STMN2: variants seen among roughly 807,000 people sequenced by gnomAD.
STMN2 encodes the protein stathmin 2.
A neutral mutation model predicts 24.1 loss-of-function variants in STMN2; 2 were observed. The ratio of observed to expected loss-of-function variants is 0.08; its 90% CI spans 0.03 to 0.26. The LOEUF is 0.26. STMN2 is among the 10% of genes least tolerant of loss of function. The pLI is 1.00. For missense variants in STMN2, 114 were observed against 213.6 expected, an observed-to-expected ratio of 0.53 and a Z score of 2.91; for synonymous variants, 83 against 77.5, an observed-to-expected ratio of 1.07 and a Z score of -0.37.
Position 79,664,731 on chromosome 8 carries a change from G to T in STMN2, c.481-84G>T, listed in dbSNP as rs530394091. The T allele has an allele frequency of 3.1e-5, 42 of 1,341,400 alleles. No homozygotes were observed. In the African/African-American group the frequency reaches 4.9e-4, roughly 16 times the overall value. 83.1% of individuals were successfully genotyped at this position (1,341,400 alleles called of 1,614,324 possible). On this transcript the variant is annotated intron_variant, in intron 4 of 4. Transcript: ENST00000220876. ...ATTCATAAAAGTAGACACCAAACTG[G>T]GTTACTTCTAGTCAAGCGCATGGTA...
chr8:79,651,923 A>G (rs1012274549), intron 3 of STMN2, among the ~76,000 whole-genome samples: 53 of 152,198 alleles, frequency 3.5e-4, no homozygotes, highest in African/African-American at 1.2e-3. Context: ...AAAAGTGGCC[A>G]TTAAAAATCC....
At chr8:79,662,131 A>G (rs957466482) in intron 4 of STMN2, among the ~76,000 whole-genome samples, 1 of 152,138 alleles carries the variant, frequency 6.6e-6, no homozygotes, top group Non-Finnish European at 1.5e-5. Flanking sequence ...CAGAGGAAAG[A>G]ATTAGAGGAC....
chr8:79,623,010 T>C (rs1809554723), intron 1 of STMN2, among the ~76,000 whole-genome samples: 1 of 152,166 alleles, frequency 6.6e-6, no homozygotes, highest in African/African-American at 2.4e-5. Flanking sequence ...GCTCTCCTGC[T>C]TCCACTTTAA....
chr8:79,647,358 C>T (rs1025633365), intron 3 of STMN2, among the ~76,000 whole-genome samples: 2 of 152,122 alleles, frequency 1.3e-5, no homozygotes, highest in East Asian at 1.9e-4. Context: ...TCTGTTAGGG[C>T]TTTTTAAATT....
At chr8:79,630,915 A>G (rs1394514546) in intron 1 of STMN2, among the ~76,000 whole-genome samples, 3 of 152,232 alleles carry the variant, frequency 2.0e-5, no homozygotes, top group Non-Finnish European at 4.4e-5. Context: ...AAAATCCCTC[A>G]ATACTCAGAA....
intron 3 of STMN2, among the ~76,000 whole-genome samples, chr8:79,641,860 T>C (rs758280084): frequency 9.2e-5 from 14 of 152,074 alleles, no homozygotes; most frequent in Non-Finnish European, 1.9e-4. Flanking sequence ...TGAATCCCCT[T>C]ATTATAAAAG....
At chr8:79,654,751 T>C (rs1810411650) in intron 3 of STMN2, 120 bp from the exon 4 acceptor site, 2 of 1,127,940 alleles carry the variant, frequency 1.8e-6, no homozygotes, top group Non-Finnish European at 2.5e-6. Flanking sequence ...GACTTGACAA[T>C]AGTGCTCAAG....
intron 1 of STMN2, chr8:79,620,838 A>AC: frequency 2.0e-5 from 6 of 294,008 alleles, no homozygotes; most frequent in Non-Finnish European, 3.0e-5. Context: ...GCTAGCCTCC[A>AC]CCCCCAGAGG....
intron 1 of STMN2, among the ~76,000 whole-genome samples, chr8:79,624,453 C>CAAAAAAAAAAAAAAAAAAAAAAAAA (rs1011493193): frequency 4.4e-5 from 2 of 45,132 alleles, no homozygotes; most frequent in Non-Finnish European, 4.6e-5. Context: ...GACTCCGTCT[C>CAAAAAAAAAAAAAAAAAAAAAAAAA]AAAAAAAAAA....
At chr8:79,646,287 C>G (rs1810216132) in intron 3 of STMN2, among the ~76,000 whole-genome samples, 1 of 151,930 alleles carries the variant, frequency 6.6e-6, no homozygotes, top group South Asian at 2.1e-4. Context: ...ACAGGGGATA[C>G]TCATCAAACT....
At chr8:79,636,309 T>C (rs954545127) in intron 1 of STMN2, among the ~76,000 whole-genome samples, 3 of 152,208 alleles carry the variant, frequency 2.0e-5, no homozygotes, top group Non-Finnish European at 2.9e-5. Context: ...CTGGATAATG[T>C]GTTTGCTTAA....
rs1159279706 is a variant in STMN2 at position 79,646,448 on chromosome 8, G to A, written c.288+4898G>A. On this transcript the variant is annotated intron_variant, in intron 3 of 4. Transcript: ENST00000220876. ...ACTATATATAATAATATAATTATTG[G>A]ATAGTCAAAAAAAAACCTCTTGAAT... is the stretch of plus-strand genomic sequence containing the variant. Among the ~76,000 whole-genome samples, 4 of 151,430 alleles carry A rather than the reference G, an allele frequency of 2.6e-5. No individual in the cohort carries two copies. The South Asian group carries it at 6.2e-4, about 24-fold the overall frequency.
chr8:79,630,856 C>T (rs1470018240), intron 1 of STMN2, among the ~76,000 whole-genome samples: 1 of 152,072 alleles, frequency 6.6e-6, no homozygotes, highest in Non-Finnish European at 1.5e-5. Context: ...ATCTAGCTAT[C>T]ATTTTAGGTT....
intron 3 of STMN2, among the ~76,000 whole-genome samples, chr8:79,649,002 C>T (rs1012714007): frequency 6.6e-6 from 1 of 152,144 alleles, no homozygotes; most frequent in African/African-American, 2.4e-5. Flanking sequence ...TCATTACTGG[C>T]ATAATCAGCT....
intron 1 of STMN2, among the ~76,000 whole-genome samples, chr8:79,617,080 A>G (rs1809398435): frequency 6.6e-6 from 1 of 152,364 alleles, no homozygotes; most frequent in Admixed American, 6.5e-5. Context: ...TTACCAAATT[A>G]TTCTAAGAGT....
At chr8:79,654,652 G>A (rs111483733) in intron 3 of STMN2, among the ~76,000 whole-genome samples, 2 of 152,224 alleles carry the variant, frequency 1.3e-5, no homozygotes, top group African/African-American at 2.4e-5. Flanking sequence ...AAGACAGTCC[G>A]AAATATACTC....
At chr8:79,661,167 G>A (rs190732185) in intron 4 of STMN2, among the ~76,000 whole-genome samples, 171 of 152,208 alleles carry the variant, frequency 1.1e-3, no homozygotes, top group African/African-American at 4.1e-3. Context: ...TAGATACCCA[G>A]CAGTGGGATT....
intron 1 of STMN2, among the ~76,000 whole-genome samples, chr8:79,616,646 T>A (rs933469262): frequency 3.3e-5 from 5 of 152,212 alleles, no homozygotes; most frequent in African/African-American, 1.2e-4. Flanking sequence ...AATATACAGG[T>A]ATCCCTCCTG....
At chr8:79,656,872 TTTTG>T (rs1316038543) in intron 4 of STMN2, among the ~76,000 whole-genome samples, 2 of 151,066 alleles carry the variant, frequency 1.3e-5, no homozygotes, top group Non-Finnish European at 1.5e-5. Context: ...TAGCCTCCTT[TTTTG>T]TTTGTTTGTT....
Sources: gnomAD v4.1 joint callset for allele counts (sites outside exome capture counted in the v4.1 genomes callset) on GRCh38, gnomAD v4.1.1 for gene constraint, MANE v1.5 for transcripts, NCBI Gene and HGNC (gene_info 2026-07-23, HGNC 2026-07-21) for gene names.